CASP8: variants seen among roughly 807,000 people sequenced by gnomAD.
The protein encoded by CASP8 is caspase 8.
In CASP8, 24 loss-of-function variants were observed where a neutral mutation model predicts 46.3. The ratio of observed to expected loss-of-function variants is 0.52; its 90% CI spans 0.38 to 0.73. The LOEUF (loss-of-function observed/expected upper bound fraction) is 0.73, where lower values mean the gene tolerates loss of function less well. CASP8 is among the 30% of genes least tolerant of loss of function. The pLI is 0.00. For synonymous variants in CASP8, 188 were observed against 200.4 expected (o/e 0.94, Z 0.52); for missense variants, 460 against 559.0 (o/e 0.82, Z 1.79).
At chr2:201,268,290 C>T (rs549906125) in intron 2 of CASP8, among the ~76,000 whole-genome samples, 85 of 152,316 alleles carry the variant, frequency 5.6e-4, no homozygotes, top group Non-Finnish European at 1.0e-3. Flanking sequence ...GTGGCTCACG[C>T]CTGTAATCCC....
intron 7 of CASP8, among the ~76,000 whole-genome samples, chr2:201,283,925 G>GC (rs1949359327): frequency 3.7e-5 from 1 of 27,166 alleles, no homozygotes; most frequent in East Asian, 9.8e-4. Flanking sequence ...TCTCAGACGG[G>GC]GCGGTTGCCA....
intron 2 of CASP8, among the ~76,000 whole-genome samples, chr2:201,244,158 G>T (rs1376426286): frequency 2.0e-5 from 3 of 152,214 alleles, no homozygotes; most frequent in Middle Eastern, 3.2e-3. Flanking sequence ...CCATGGTCAG[G>T]ATCAAGATCA....
intron 1 of CASP8, among the ~76,000 whole-genome samples, chr2:201,261,629 C>T (rs555432840): frequency 2.0e-5 from 3 of 152,226 alleles, no homozygotes; most frequent in East Asian, 3.9e-4. Flanking sequence ...ACATCATGTG[C>T]GTGCAGAATG....
At position 201,266,855 on chromosome 2, in the gene CASP8, T is replaced by G. The variant is rs559907331; in HGVS notation, c.305+64T>G. ...GTTGAATGGACAGCCTCTGAGCTGA[T>G]TGGGGCTTTTTTTTGTGGTACCCTG... On this transcript the variant is annotated intron_variant, in intron 2 of 8. Transcript: ENST00000673742. This position sits in a 1 kb window ranked among gnomAD's most constrained non-coding sequence, Gnocchi z 5.7. 5 of 1,293,586 alleles carry G rather than the reference T, an allele frequency of 3.9e-6. No individual in the cohort carries two copies. The East Asian group carries it at 1.2e-4, about 30-fold the overall frequency. The allele number at this position is 1,293,586 out of a possible 1,614,324, so 80.1% of individuals were successfully genotyped here. A position where few individuals can be genotyped will look rare whatever the true frequency, so the allele number is the denominator to read the frequency against.
In CASP8 at chr2:201,266,608, C is replaced by T. The variant is rs1356214774; in HGVS notation, c.122C>T (p.Ala41Val). ...AGGAAGCAAGAACCCATCAAGGATG[C>T]CTTGATGTTATTCCAGAGACTCCAG... is the stretch of plus-strand genomic sequence containing the variant. ...PQRKQEPIKD[A>V]LMLFQRLQEK... Residue 41 changes from alanine to valine, a missense_variant, in exon 2 of 9, where the codon GCC becomes GTC. Transcript: ENST00000673742. This position sits in a 1 kb window ranked among gnomAD's most constrained non-coding sequence, Gnocchi z 5.7. The T allele has an allele frequency of 6.2e-7, 1 of 1,614,154 alleles. No homozygotes were observed. The highest frequency in any genetic ancestry group is 8.5e-7 in the Non-Finnish European group (1 of 1,180,030).
rs1411724149 is a variant in CASP8, at chr2:201,285,270, C to G, written c.1257C>G (p.Thr419=). 6.2e-7 allele frequency: 1 copy of G among 1,614,048 alleles called. No individual in the cohort carries two copies. ...CCTACCGAAACCCTGCAGAGGGAAC[C>G]TGGTACATCCAGTCACTTTGCCAGA... The part of the protein sequence containing the change: ...CVSYRNPAEG[T]WYIQSLCQSL... Residue 419 remains threonine (T), a synonymous_variant, in exon 8 of 9, where the codon ACC becomes ACG. Coordinates refer to ENST00000673742, the MANE Select transcript of CASP8 (RefSeq NM_001372051.1).
At chr2:201,269,776 T>C (rs1381850526) in intron 2 of CASP8, among the ~76,000 whole-genome samples, 4 of 152,258 alleles carry the variant, frequency 2.6e-5, no homozygotes, top group African/African-American at 9.6e-5. Context: ...TTTCCAGTTA[T>C]AATTGCTACC....
In CASP8 at chr2:201,272,969, A is replaced by G. The variant is rs767814297; in HGVS notation, c.595+27A>G. ...TAATGCTTGGAGATACATTTTCAAG[A>G]TTTAGTTAATTTACTATCTGGTACC... On this transcript the variant is annotated intron_variant, in intron 5 of 8. Transcript: ENST00000673742. The surrounding 1 kb of genome is among the most constrained non-coding windows in gnomAD (Gnocchi z 4.4). 2 of 1,598,982 alleles carry G rather than the reference A, an allele frequency of 1.3e-6. No individual in the cohort carries two copies. The highest frequency in any genetic ancestry group is 3.3e-5 in the Admixed American group (2 of 59,968).
upstream of CASP8, among the ~76,000 whole-genome samples, chr2:201,256,341 G>A (rs1314882557): frequency 6.6e-6 from 1 of 152,168 alleles, no homozygotes; most frequent in African/African-American, 2.4e-5. Context: ...AAGCCTCAGT[G>A]TCCTCATCCA....
chr2:201,262,013 A>C (rs1017946175), intron 1 of CASP8: 10 of 152,272 alleles, frequency 6.6e-5, no homozygotes, highest in African/African-American at 2.4e-4. Flanking sequence ...GGATTTGTTA[A>C]GAACTTCTGT....
At chr2:201,242,103 T>C (rs1444073755) in intron 2 of CASP8, 3 of 152,228 alleles carry the variant, frequency 2.0e-5, no homozygotes, top group Non-Finnish European at 4.4e-5. Flanking sequence ...TTATATTAGA[T>C]GTGAGCTTTT....
At chr2:201,264,683 A>G (rs182845652) in intron 1 of CASP8, among the ~76,000 whole-genome samples, 2 of 152,252 alleles carry the variant, frequency 1.3e-5, no homozygotes, top group African/African-American at 4.8e-5. Flanking sequence ...GTAGCCAGTA[A>G]TAGCCTGGTG....
At chr2:201,254,087 A>AC (rs1274946226) in intron 2 of CASP8, among the ~76,000 whole-genome samples, 1 of 151,916 alleles carries the variant, frequency 6.6e-6, no homozygotes, top group Non-Finnish European at 1.5e-5. Flanking sequence ...ATCTCAAAAA[A>AC]AAAAAAAAAA....
At chr2:201,242,552 CAT>C (rs1312760614) in intron 2 of CASP8, 5 of 152,134 alleles carry the variant, frequency 3.3e-5, no homozygotes, top group Admixed American at 3.3e-4. Context: ...AATACCAACA[CAT>C]AGGGGATTAG....
In CASP8 at chr2:201,253,015, C is replaced by T. The variant is rs150150652; in HGVS notation, c.-26-13446C>T. 2.1e-3 allele frequency among the ~76,000 whole-genome samples: 326 copies of T among 152,016 alleles called. 2 individuals carry two copies. Among genetic ancestry groups the T allele is most frequent in the East Asian group, 0.012 (60 of 5,170 alleles). ...TTTTTTTTTGTTTTAGACAGGGGCT[C>T]GCTCCGTCCCCCAGGCTGGAGTGCA... On this transcript the variant is annotated intron_variant, in intron 2 of 6. Transcript: ENST00000264274.
rs1949582668 is a variant in CASP8, at chr2:201,286,758, G to A, written c.*164G>A. ...AGCCTCCCGAGTAGCTGGGACTACA[G>A]GGGCCCGCCACCACACCTGGCTAAT... On this transcript the variant is annotated 3_prime_UTR_variant, in exon 9 of 9. Coordinates refer to ENST00000673742, the MANE Select transcript of CASP8 (RefSeq NM_001372051.1). 3 of 581,308 alleles carry A rather than the reference G, an allele frequency of 5.2e-6. No homozygotes were observed. The South Asian group carries it at 5.4e-5, about 10-fold the overall frequency. The allele number at this position is 581,308 out of a possible 1,614,324, so 36.0% of individuals were successfully genotyped here.
In CASP8 at chr2:201,272,545, T is replaced by A. The variant is rs1948336015; in HGVS notation, c.412-93T>A. ...AACTTGGGAAGCAAGGGCAGGTCCT[T>A]GGTTGGAGAAATTGGAAATTAAAAA... On this transcript the variant is annotated intron_variant, in intron 3 of 8. Transcript: ENST00000673742. The surrounding 1 kb of genome is among the most constrained non-coding windows in gnomAD (Gnocchi z 4.4). The A allele has an allele frequency of 2.2e-5, 32 of 1,438,990 alleles. No homozygotes were observed. The highest frequency in any genetic ancestry group is 3.0e-5 in the Non-Finnish European group (31 of 1,032,918). The allele number at this position is 1,438,990 out of a possible 1,614,324, so 89.1% of individuals were successfully genotyped here. A position where few individuals can be genotyped will look rare whatever the true frequency, so the allele number is the denominator to read the frequency against.
intron 1 of CASP8, chr2:201,261,855 T>C (rs1247507578): frequency 2.0e-5 from 3 of 152,164 alleles, no homozygotes; most frequent in African/African-American, 7.2e-5. Flanking sequence ...GCTGCTAGAA[T>C]ATTACTGGAA....
intron 2 of CASP8, among the ~76,000 whole-genome samples, chr2:201,234,581 C>A (rs1032163342): frequency 2.0e-5 from 3 of 151,806 alleles, no homozygotes; most frequent in Admixed American, 1.3e-4. Flanking sequence ...TCCTGAGTAG[C>A]TGGGATTACA....
Sources: allele counts gnomAD v4.1 joint callset (sites outside exome capture counted in the v4.1 genomes callset), GRCh38; gene constraint gnomAD v4.1.1; non-coding constraint Gnocchi (gnomAD v3.1); transcripts MANE v1.5; gene names NCBI Gene and HGNC (gene_info 2026-07-23, HGNC 2026-07-21).